The following C2CD3 variants were observed in gnomAD, a reference collection of about 807,000 sequenced individuals.
C2CD3 encodes C2 domain-containing protein 3.
A neutral mutation model predicts 234.0 loss-of-function variants in C2CD3; 148 were observed. The ratio of observed to expected loss-of-function variants is 0.63; its 90% CI spans 0.55 to 0.72. The LOEUF is 0.72. Ranked by LOEUF, C2CD3 falls within the 30% of genes least tolerant of loss-of-function variation. The pLI is 0.00. For missense variants in C2CD3, 2,577 were observed against 2,811.5 expected (o/e 0.92, Z 1.89); for synonymous variants, 1,000 against 1,035.4 (o/e 0.97, Z 0.66).
intron 11 of C2CD3, chr11:74,109,448 T>G: frequency 3.8e-6 from 1 of 263,646 alleles, no homozygotes; most frequent in Admixed American, 5.4e-5. Flanking sequence ...ATCTATATAC[T>G]TCACTGGGTT....
intron 14 of C2CD3, among the ~76,000 whole-genome samples, chr11:74,102,463 T>C (rs1956351679): frequency 6.6e-6 from 1 of 152,224 alleles, no homozygotes; most frequent in Non-Finnish European, 1.5e-5. Flanking sequence ...ACATGGAAGT[T>C]ATCTTCATAA....
Position 74,042,251 on chromosome 11 carries a change from A to G in C2CD3, c.5496-33T>C, listed in dbSNP as rs915186681. 7.0e-6 allele frequency: 11 copies of G among 1,580,090 alleles called. No individual in the cohort carries two copies. The African/African-American group carries it at 1.4e-4, about 20-fold the overall frequency. ...AAAAAAAAAAAAAAAAAGTAGGAGC[A>G]AAATAAATTCCCAATCAATGAGAAC... On this transcript the variant is annotated intron_variant, in intron 28 of 32. Transcript: ENST00000334126.
chr11:74,104,781 C>T (rs1480965767), intron 13 of C2CD3, among the ~76,000 whole-genome samples: 1 of 152,114 alleles, frequency 6.6e-6, no homozygotes, highest in Non-Finnish European at 1.5e-5. Flanking sequence ...CTAAGTGTTA[C>T]ATAGCAAGGT....
intron 5 of C2CD3, among the ~76,000 whole-genome samples, chr11:74,134,665 A>C (rs1482515259): frequency 6.6e-6 from 1 of 152,202 alleles, no homozygotes. Flanking sequence ...TAATTTCTAA[A>C]AATAAAATAT....
intron 3 of C2CD3, among the ~76,000 whole-genome samples, chr11:74,146,654 T>A (rs1855205985): frequency 6.6e-6 from 1 of 151,760 alleles, no homozygotes; most frequent in African/African-American, 2.4e-5. Flanking sequence ...CAAAGACAGA[T>A]AACCATAAAG....
At chr11:74,117,301 A>G (rs1440222367) in intron 9 of C2CD3, among the ~76,000 whole-genome samples, 1 of 130,524 alleles carries the variant, frequency 7.7e-6, no homozygotes, top group Admixed American at 8.2e-5. Flanking sequence ...CCCCGTCTCA[A>G]AAAAAAAAAA....
At chr11:74,154,459 AAATGAATGAATG>A (rs562390446) in intron 3 of C2CD3, among the ~76,000 whole-genome samples, 1 of 152,186 alleles carries the variant, frequency 6.6e-6, no homozygotes, top group Non-Finnish European at 1.5e-5. Flanking sequence ...CTGGGAATAT[AAATGAATGAATG>A]AATGAATGAA....
At chr11:74,125,823 G>C (rs1043235001) in intron 7 of C2CD3, among the ~76,000 whole-genome samples, 2 of 152,084 alleles carry the variant, frequency 1.3e-5, no homozygotes, top group African/African-American at 4.8e-5. Flanking sequence ...TCCTTTGAGA[G>C]AACTTAAAAT....
intron 32 of C2CD3, among the ~76,000 whole-genome samples, chr11:74,021,785 G>C (rs1952095696): frequency 6.6e-6 from 1 of 152,198 alleles, no homozygotes; most frequent in Admixed American, 6.5e-5. Flanking sequence ...ACAGTGTGGA[G>C]AATAAATGGT....
In C2CD3 at chr11:74,096,910, G is replaced by T. The variant is rs59605334; in HGVS notation, c.2979+1099C>A. On this transcript the variant is annotated intron_variant, in intron 16 of 32. Coordinates refer to ENST00000334126, the MANE Select transcript of C2CD3 (RefSeq NM_001286577.2). ...TTGTAATCCCAGCACTCTAGGAGGT[G>T]GAGGTGGGTGGATCACTTGAGGTTA... Among the ~76,000 whole-genome samples the T allele has an allele frequency of 2.5e-3, 383 of 151,944 alleles. 1 individual carries two copies. Among genetic ancestry groups the T allele is most frequent in the African/African-American group, 9.0e-3 (371 of 41,442 alleles).
intron 31 of C2CD3, among the ~76,000 whole-genome samples, chr11:74,030,799 C>T (rs772792908): frequency 1.3e-5 from 2 of 152,198 alleles, no homozygotes; most frequent in Non-Finnish European, 2.9e-5. Context: ...AAACGGCAAT[C>T]TGCATCGTCT....
At chr11:74,023,421 C>G (rs1196472097) in intron 32 of C2CD3, among the ~76,000 whole-genome samples, 1 of 152,228 alleles carries the variant, frequency 6.6e-6, no homozygotes, top group African/African-American at 2.4e-5. Context: ...GGATACAGGA[C>G]AGGGCTCCTG....
In C2CD3 at chr11:74,078,144, TC is replaced by T; in HGVS notation, c.4573del (p.Glu1525ArgfsTer7). On this transcript the variant is annotated frameshift_variant, in exon 23 of 33. Transcript: ENST00000334126. LOFTEE classifies it high-confidence loss of function. ...GACAGTTAGCGTCCTCGCTGACCTC[TC>T]CCCAAGTCTGGCCAGGTCCACATAG... is the stretch of plus-strand genomic sequence containing the variant. ...SAYVDLARLG[E>X]RSARTLTVSG... The T allele has an allele frequency of 6.2e-7, 1 of 1,613,828 alleles. No homozygotes were observed. Among genetic ancestry groups the T allele is most frequent in the Non-Finnish European group, 8.5e-7 (1 of 1,179,938 alleles).
intron 7 of C2CD3, chr11:74,129,916 A>G: frequency 6.5e-6 from 1 of 154,656 alleles, no homozygotes; most frequent in Non-Finnish European, 1.4e-5. Flanking sequence ...CACCAAAAAA[A>G]TACGAAAACC....
intron 31 of C2CD3, among the ~76,000 whole-genome samples, chr11:74,032,104 G>C (rs1952543050): frequency 6.6e-6 from 1 of 152,184 alleles, no homozygotes; most frequent in Admixed American, 6.5e-5. Context: ...GCTAGGTCCT[G>C]AGGATGCAGA....
intron 9 of C2CD3, among the ~76,000 whole-genome samples, chr11:74,117,909 G>A (rs534947950): frequency 5.7e-5 from 8 of 141,172 alleles, no homozygotes; most frequent in African/African-American, 1.8e-4. Flanking sequence ...GCGAAACTCC[G>A]TCTCAAAAAA....
At chr11:74,026,366 A>C (rs1952299607) in intron 32 of C2CD3, among the ~76,000 whole-genome samples, 1 of 152,072 alleles carries the variant, frequency 6.6e-6, no homozygotes, top group African/African-American at 2.4e-5. Context: ...TTCCTGTGCC[A>C]AATAAAATGA....
chr11:74,059,579 T>C (rs1954129712), intron 24 of C2CD3, among the ~76,000 whole-genome samples: 1 of 152,060 alleles, frequency 6.6e-6, no homozygotes. Flanking sequence ...CAGAAAGCAT[T>C]CTGATGAACA....
intron 32 of C2CD3, among the ~76,000 whole-genome samples, chr11:74,020,548 A>G (rs1207935746): frequency 6.6e-6 from 1 of 152,200 alleles, no homozygotes; most frequent in East Asian, 1.9e-4. Flanking sequence ...CGTTTCCAAG[A>G]ACTGCGAGCT....
Sources: allele counts gnomAD v4.1 joint callset (sites outside exome capture counted in the v4.1 genomes callset), GRCh38; gene constraint gnomAD v4.1.1; transcripts MANE v1.5; gene names NCBI Gene and HGNC (gene_info 2026-07-23, HGNC 2026-07-21).